RASGRP1: variants seen among roughly 807,000 people sequenced by gnomAD.
The protein encoded by RASGRP1 is RAS guanyl releasing protein 1.
Under a neutral mutation model 95.1 loss-of-function variants are expected in RASGRP1, and 37 were observed. That is an observed-to-expected ratio of 0.39 (90% CI 0.30 to 0.51). The LOEUF is 0.51. Among genes scored for constraint, RASGRP1 ranks in the 20% least tolerant of loss-of-function variants. RASGRP1 has a pLI of 0.80. For synonymous variants in RASGRP1, 325 were observed against 353.4 expected (o/e 0.92, Z 0.90); for missense variants, 711 against 965.4 (o/e 0.74, Z 3.49).
At chr15:38,490,742 G>A (rs1890542547) in intron 16 of RASGRP1, 54 bp from the exon 17 acceptor site, 1 of 1,512,238 alleles carries the variant, frequency 6.6e-7, no homozygotes, top group East Asian at 2.4e-5. Context: ...AATAGCAAAT[G>A]AATTACAAAT....
intron 2 of RASGRP1, among the ~76,000 whole-genome samples, chr15:38,543,168 G>T (rs2141170966): frequency 6.6e-6 from 1 of 151,886 alleles, no homozygotes; most frequent in East Asian, 1.9e-4. Context: ...TTTACATTCA[G>T]GTTAACATTA....
chr15:38,525,001 T>C lies in RASGRP1; in HGVS notation c.326+1298A>G, dbSNP rs566539152. On this transcript the variant is annotated intron_variant, in intron 3 of 16. Coordinates refer to ENST00000310803, the MANE Select transcript of RASGRP1 (RefSeq NM_005739.4). ...TTTTTTTTTTGAGACAGAGTCTCAC[T>C]TCATTGCCCAGGCTGGAGTGCAGTG... Among the ~76,000 whole-genome samples the C allele has an allele frequency of 2.0e-5, 3 of 151,040 alleles. No homozygotes were observed. The East Asian group carries it at 5.8e-4, about 29-fold the overall frequency.
rs757557977 is a variant in RASGRP1, at chr15:38,501,174, T to C, written c.1652A>G (p.Lys551Arg). ...AGCACAGTTGTCACAAAAAGTGGGC[T>C]TCAGGTAGGTGGTCTCTTGGAAGTT... ...PHNFQETTYL[K>R]PTFCDNCAGF... The change falls in exon 13 of 17, where the codon AAG becomes AGG. Residue 551 changes from lysine to arginine, a missense_variant. Coordinates refer to ENST00000310803, the MANE Select transcript of RASGRP1 (RefSeq NM_005739.4). The C allele has an allele frequency of 6.2e-7, 1 of 1,611,158 alleles. No homozygotes were observed. The highest frequency in any genetic ancestry group is 1.1e-5 in the South Asian group (1 of 90,730).
chr15:38,540,793 C>G (rs1166864307), intron 2 of RASGRP1, among the ~76,000 whole-genome samples: 1 of 152,130 alleles, frequency 6.6e-6, no homozygotes, highest in Non-Finnish European at 1.5e-5. Flanking sequence ...ATAAGGAAAA[C>G]TTAGGTTAAA....
chr15:38,500,011 C>G, intron 14 of RASGRP1, 92 bp downstream of exon 14: 1 of 1,320,322 alleles, frequency 7.6e-7, no homozygotes. Context: ...AAACCTCTTG[C>G]CTTTATAAAT....
intron 2 of RASGRP1, among the ~76,000 whole-genome samples, chr15:38,555,505 G>A (rs1339548940): frequency 6.6e-6 from 1 of 152,180 alleles, no homozygotes; most frequent in African/African-American, 2.4e-5. Context: ...GCCTGTCTTA[G>A]GAGAGAGATC....
intron 2 of RASGRP1, among the ~76,000 whole-genome samples, chr15:38,551,532 A>G (rs1893337839): frequency 6.6e-6 from 1 of 152,200 alleles, no homozygotes. Flanking sequence ...GGAATTATAC[A>G]CTGGGTTAAG....
intron 3 of RASGRP1, among the ~76,000 whole-genome samples, chr15:38,520,030 C>G (rs1891941413): frequency 6.6e-6 from 1 of 152,084 alleles, no homozygotes; most frequent in African/African-American, 2.4e-5. Flanking sequence ...TCTGAGCATT[C>G]CAAGAATATG....
intron 1 of RASGRP1, among the ~76,000 whole-genome samples, chr15:38,560,471 C>T (rs1190330111): frequency 2.0e-5 from 3 of 152,128 alleles, no homozygotes; most frequent in African/African-American, 2.4e-5. Flanking sequence ...CACCTGAGGT[C>T]GGGAGTTCGA....
intron 4 of RASGRP1, among the ~76,000 whole-genome samples, chr15:38,518,905 C>G (rs192805008): frequency 1.6e-3 from 250 of 152,072 alleles, no homozygotes; most frequent in Admixed American, 2.5e-3. Context: ...ATATTTTCAT[C>G]TCAAAAAAAT....
intron 2 of RASGRP1, among the ~76,000 whole-genome samples, chr15:38,527,085 G>C (rs780193144): frequency 5.9e-5 from 9 of 152,218 alleles, no homozygotes; most frequent in Non-Finnish European, 1.2e-4. Flanking sequence ...AAAATAATAA[G>C]ATGCATTTAT....
intron 3 of RASGRP1, among the ~76,000 whole-genome samples, chr15:38,525,056 T>C (rs1330899838): frequency 6.6e-6 from 1 of 151,454 alleles, no homozygotes; most frequent in Non-Finnish European, 1.5e-5. Flanking sequence ...CAACCTCCAC[T>C]TCCCAGGTTC....
chr15:38,505,395 C>T (rs772321978), intron 10 of RASGRP1, among the ~76,000 whole-genome samples: 1 of 152,120 alleles, frequency 6.6e-6, no homozygotes, highest in East Asian at 1.9e-4. Flanking sequence ...TGGAAATCTT[C>T]AGAAATTTAG....
At chr15:38,549,259 G>A (rs894327713) in intron 2 of RASGRP1, among the ~76,000 whole-genome samples, 1 of 152,178 alleles carries the variant, frequency 6.6e-6, no homozygotes, top group Non-Finnish European at 1.5e-5. Context: ...CAGAGAGTGT[G>A]AAAAATCCCC....
chr15:38,559,703 C>A, intron 2 of RASGRP1, 118 bp downstream of exon 2: 1 of 1,107,146 alleles, frequency 9.0e-7, no homozygotes, highest in East Asian at 2.6e-5. Flanking sequence ...ATTTCAAAGG[C>A]TCAAAAGCTA....
At chr15:38,527,734 G>A (rs893760516) in intron 2 of RASGRP1, among the ~76,000 whole-genome samples, 9 of 152,130 alleles carry the variant, frequency 5.9e-5, no homozygotes, top group African/African-American at 2.2e-4. Context: ...AGGACACAGT[G>A]CTTTTGGGCT....
intron 3 of RASGRP1, among the ~76,000 whole-genome samples, chr15:38,525,648 C>G (rs930231815): frequency 4.6e-5 from 7 of 152,182 alleles, no homozygotes; most frequent in African/African-American, 1.7e-4. Flanking sequence ...AGTCATGACA[C>G]AGTACCAGGG....
chr15:38,492,155 A>G (rs1434352036), intron 16 of RASGRP1, among the ~76,000 whole-genome samples: 1 of 152,130 alleles, frequency 6.6e-6, no homozygotes, highest in Non-Finnish European at 1.5e-5. Context: ...TCTATCCCTA[A>G]AGAGGAAGGG....
intron 1 of RASGRP1, among the ~76,000 whole-genome samples, chr15:38,560,747 T>G (rs373549931): frequency 2.0e-5 from 3 of 152,184 alleles, no homozygotes; most frequent in African/African-American, 4.8e-5. Context: ...CTAAACATCG[T>G]TTTTTCAAAT....
Sources: allele counts gnomAD v4.1 joint callset (sites outside exome capture counted in the v4.1 genomes callset), GRCh38; gene constraint gnomAD v4.1.1; transcripts MANE v1.5; gene names NCBI Gene and HGNC (gene_info 2026-07-23, HGNC 2026-07-21).